The following KIFAP3 variants were observed in gnomAD, a reference collection of about 807,000 sequenced individuals.
KIFAP3 encodes kinesin associated protein 3.
KIFAP3 carries 68 observed loss-of-function variants against 106.5 expected under a neutral mutation model. That is an observed-to-expected ratio of 0.64 (90% CI 0.53 to 0.78). KIFAP3 has a LOEUF of 0.78. Among genes scored for constraint, KIFAP3 ranks in the 30% least tolerant of loss-of-function variants. KIFAP3 has a pLI of 0.00. For synonymous variants in KIFAP3, 320 were observed against 311.5 expected (o/e 1.03, Z -0.29); for missense variants, 780 against 941.8 (o/e 0.83, Z 2.25).
intron 19 of KIFAP3, among the ~76,000 whole-genome samples, chr1:169,934,023 A>G (rs1663646477): frequency 6.6e-6 from 1 of 152,142 alleles, no homozygotes; most frequent in Non-Finnish European, 1.5e-5. Flanking sequence ...CAAGAAAAGT[A>G]CCCGCATATA....
In KIFAP3 at chr1:170,055,443, T is replaced by C. The variant is rs1459508450; in HGVS notation, c.33-7A>G. The C allele has an allele frequency of 6.4e-7, 1 of 1,572,276 alleles. No individual in the cohort carries two copies. Among genetic ancestry groups the C allele is most frequent in the Non-Finnish European group, 8.6e-7 (1 of 1,161,710 alleles). The stretch of plus-strand genomic sequence containing the variant: ...ATTCCCTCCTTTAACTTTCCTATAA[T>C]ACAAAATTGAAATGATATAACCAGA... On this transcript the variant is annotated splice_polypyrimidine_tract_variant and splice_region_variant and intron_variant, in intron 1 of 19. Coordinates refer to ENST00000361580, the MANE Select transcript of KIFAP3 (RefSeq NM_014970.4).
intron 6 of KIFAP3, 81 bp downstream of exon 6, chr1:170,035,373 G>T: frequency 1.3e-6 from 1 of 769,474 alleles, no homozygotes; most frequent in Non-Finnish European, 2.0e-6. Context: ...GAGAACAAGT[G>T]ATCTACAAAT....
chr1:169,925,614 C>G lies in KIFAP3; in HGVS notation c.2274-3833G>C, dbSNP rs1258262063. 2.0e-5 allele frequency among the ~76,000 whole-genome samples: 3 copies of G among 151,822 alleles called. No individual in the cohort carries two copies. The East Asian group carries it at 5.8e-4, about 29-fold the overall frequency. On this transcript the variant is annotated intron_variant, in intron 19 of 19. Transcript: ENST00000361580. ...TAATAGCAATCATTAGAATTCTAAA[C>G]TTGATATGATTCAGAGCAGGAACAA...
intron 8 of KIFAP3, among the ~76,000 whole-genome samples, chr1:170,026,952 CAA>C (rs902104383): frequency 6.7e-6 from 1 of 150,106 alleles, no homozygotes; most frequent in African/African-American, 2.4e-5. Context: ...AAATAAAACT[CAA>C]AGATATTTTT....
intron 19 of KIFAP3, among the ~76,000 whole-genome samples, chr1:169,928,792 T>C (rs1046861121): frequency 6.6e-6 from 1 of 151,638 alleles, no homozygotes; most frequent in African/African-American, 2.4e-5. Context: ...CTGGAAATTT[T>C]AAAGGTTATA....
At position 169,978,233 on chromosome 1, in the gene KIFAP3, A is replaced by G. The variant is rs183899106; in HGVS notation, c.1799-50T>C. On this transcript the variant is annotated intron_variant, in intron 15 of 19. Transcript: ENST00000361580. ...TAAAGAATACTATGTTTATATACCA[A>G]ATTTAAAATAATTGAGGGGAATAAT... The G allele has an allele frequency of 7.0e-6, 8 of 1,145,108 alleles. No homozygotes were observed. The Admixed American group carries it at 1.4e-4, about 20-fold the overall frequency. The allele number at this position is 1,145,108 out of a possible 1,614,324, so 70.9% of individuals were successfully genotyped here.
chr1:169,988,377 T>C (rs1399105678), intron 11 of KIFAP3, among the ~76,000 whole-genome samples: 1 of 152,052 alleles, frequency 6.6e-6, no homozygotes, highest in Non-Finnish European at 1.5e-5. Flanking sequence ...TCAATTTTTT[T>C]CATCATTGAA....
intron 4 of KIFAP3, 77 bp downstream of exon 4, chr1:170,039,156 T>C (rs1669840217): frequency 1.3e-5 from 10 of 744,146 alleles, no homozygotes; most frequent in Non-Finnish European, 2.0e-5. Flanking sequence ...CTTAATGTGA[T>C]TGTGTGTATT....
intron 6 of KIFAP3, 29 bp from the exon 7 acceptor site, chr1:170,034,525 T>A: frequency 8.2e-7 from 1 of 1,218,138 alleles, no homozygotes; most frequent in Non-Finnish European, 1.1e-6. Flanking sequence ...AATATATATT[T>A]AAAAGAATAC....
intron 11 of KIFAP3, among the ~76,000 whole-genome samples, chr1:169,986,035 T>C (rs1666813112): frequency 1.3e-5 from 2 of 151,874 alleles, no homozygotes; most frequent in African/African-American, 4.8e-5. Context: ...AAATAGAAGT[T>C]ATTCCTAAAA....
intron 1 of KIFAP3, among the ~76,000 whole-genome samples, chr1:170,069,254 C>T (rs1193632872): frequency 1.3e-5 from 2 of 152,058 alleles, no homozygotes; most frequent in Non-Finnish European, 2.9e-5. Flanking sequence ...TACCAGATGG[C>T]TTCACTGGTG....
Position 169,983,375 on chromosome 1 carries a change from C to T in KIFAP3, c.1401G>A (p.Gly467=), listed in dbSNP as rs1666630006. The T allele has an allele frequency of 1.3e-6, 2 of 1,599,704 alleles. No individual in the cohort carries two copies. The highest frequency in any genetic ancestry group is 1.3e-5 in the African/African-American group (1 of 74,188). ...GAGCCCTCTTCATGAGCATCTTCAG[C>T]CCATTTCCTGAAACAGAAAAGTCCC... ...RNVQLICEGN[G]LKMLMKRALK... is the part of the protein sequence containing the mutation. The change falls in exon 13 of 20, where the codon GGG becomes GGA. Residue 467 remains glycine (G), a synonymous_variant. Transcript: ENST00000361580.
chr1:169,962,508 G>A (rs886528871), intron 17 of KIFAP3, among the ~76,000 whole-genome samples: 22 of 152,218 alleles, frequency 1.4e-4, no homozygotes, highest in African/African-American at 5.3e-4. Context: ...AAATTCCTCT[G>A]TCATATCTTT....
intron 1 of KIFAP3, among the ~76,000 whole-genome samples, chr1:170,057,060 C>T (rs1282326520): frequency 6.6e-6 from 1 of 152,062 alleles, no homozygotes; most frequent in East Asian, 1.9e-4. Flanking sequence ...CTATAAGAAA[C>T]ATAAGAAACT....
At chr1:169,996,476 CAT>C (rs796886720) in intron 10 of KIFAP3, among the ~76,000 whole-genome samples, 13 of 152,190 alleles carry the variant, frequency 8.5e-5, no homozygotes, top group African/African-American at 2.9e-4. Context: ...GCATGTTCAA[CAT>C]AGTTTTTCTC....
intron 1 of KIFAP3, among the ~76,000 whole-genome samples, chr1:170,063,645 A>G (rs1671293572): frequency 2.0e-5 from 3 of 152,172 alleles, no homozygotes; most frequent in African/African-American, 7.2e-5. Context: ...GTGGGCAAGA[A>G]TAACCCATAG....
At chr1:169,953,472 T>G (rs1664833948) in intron 19 of KIFAP3, among the ~76,000 whole-genome samples, 1 of 152,084 alleles carries the variant, frequency 6.6e-6, no homozygotes, top group Non-Finnish European at 1.5e-5. Context: ...CAACAGACAA[T>G]CTATATTTTC....
chr1:170,031,560 A>G (rs1669412822), intron 8 of KIFAP3, among the ~76,000 whole-genome samples: 1 of 151,778 alleles, frequency 6.6e-6, no homozygotes, highest in African/African-American at 2.4e-5. Flanking sequence ...GAAAGCAACA[A>G]AATAATTCAC....
intron 1 of KIFAP3, chr1:170,068,966 T>C (rs1205572726): frequency 2.6e-5 from 4 of 151,820 alleles, no homozygotes; most frequent in Admixed American, 2.6e-4. Flanking sequence ...CAACAAACAT[T>C]TTTGGAAAAC....
Sources: gnomAD v4.1 joint callset for allele counts (sites outside exome capture counted in the v4.1 genomes callset) on GRCh38, gnomAD v4.1.1 for gene constraint, MANE v1.5 for transcripts, NCBI Gene and HGNC (gene_info 2026-07-23, HGNC 2026-07-21) for gene names.